ITGB1: variants seen among roughly 807,000 people sequenced by gnomAD.
ITGB1 encodes the protein integrin subunit beta 1.
ITGB1 carries 24 observed loss-of-function variants against 86.5 expected under a neutral mutation model. That is an observed-to-expected ratio of 0.28 (90% confidence interval 0.20 to 0.39). The LOEUF is 0.39. Ranked by LOEUF, ITGB1 falls within the 10% of genes least tolerant of loss-of-function variation. The pLI, the probability that ITGB1 is intolerant of heterozygous loss-of-function variation, is 1.00. For missense variants in ITGB1, 556 were observed against 946.9 expected (o/e 0.59, Z 5.42); for synonymous variants, 323 against 316.8 (o/e 1.02, Z -0.21).
At chr10:32,940,478 T>C (rs1236135171) in intron 1 of ITGB1, among the ~76,000 whole-genome samples, 1 of 152,226 alleles carries the variant, frequency 6.6e-6, no homozygotes, top group Non-Finnish European at 1.5e-5. Flanking sequence ...TCGATTTGTT[T>C]ACACCAGCAT....
chr10:32,933,549 G>T (rs975902521), intron 2 of ITGB1: 1 of 152,130 alleles, frequency 6.6e-6, no homozygotes, highest in Admixed American at 6.6e-5. Context: ...TCTTTTCTGA[G>T]ATTATAAAAC....
chr10:32,945,372 G>A (rs2095028835), intron 1 of ITGB1, among the ~76,000 whole-genome samples: 1 of 152,094 alleles, frequency 6.6e-6, no homozygotes, highest in African/African-American at 2.4e-5. Context: ...GGCCGAGATG[G>A]TGCATCACGA....
intron 1 of ITGB1, among the ~76,000 whole-genome samples, chr10:32,941,194 G>A (rs542227121): frequency 6.6e-6 from 1 of 152,172 alleles, no homozygotes; most frequent in African/African-American, 2.4e-5. Flanking sequence ...ATGAAGTCCC[G>A]AGGCGAATTA....
At chr10:32,939,747 AGT>A (rs2095013589) in intron 1 of ITGB1, among the ~76,000 whole-genome samples, 2 of 151,796 alleles carry the variant, frequency 1.3e-5, no homozygotes, top group Non-Finnish European at 2.9e-5. Flanking sequence ...TGAGTGAGTG[AGT>A]GAGTGAGTGA....
At chr10:32,920,817 C>CAAA (rs5784311) in intron 9 of ITGB1, among the ~76,000 whole-genome samples, 8,589 of 139,468 alleles carry the variant, frequency 0.062, 457 homozygotes, top group South Asian at 0.25. Flanking sequence ...CGCTAAAATA[C>CAAA]AAAAAAAAAA....
At chr10:32,944,987 G>T in intron 1 of ITGB1, 1 of 883,858 alleles carries the variant, frequency 1.1e-6, no homozygotes, top group Non-Finnish European at 1.8e-6. Flanking sequence ...AAGCCAGAAA[G>T]CTGCCATTAC....
chr10:32,923,507 A>C, intron 7 of ITGB1, 78 bp downstream of exon 7: 1 of 1,293,300 alleles, frequency 7.7e-7, no homozygotes. Context: ...ACCCCAAGCC[A>C]GTCACCCACA....
rs569301405 is a variant in ITGB1 at position 32,901,473 on chromosome 10, G to A, written c.*97C>T. The A allele has an allele frequency of 6.1e-5, 48 of 784,942 alleles. No homozygotes were observed. The African/African-American group carries it at 7.7e-4, about 13-fold the overall frequency. 48.6% of individuals were successfully genotyped at this position (784,942 alleles called of 1,614,324 possible). ...TTGTACATTTTCAAAACCTGCACAT[G>A]AGTAAAACCATGGCAATATTGCCCT... is the stretch of plus-strand genomic sequence containing the variant. On this transcript the variant is annotated 3_prime_UTR_variant, in exon 16 of 16. Coordinates refer to ENST00000302278, the MANE Select transcript of ITGB1 (RefSeq NM_002211.4).
rs772037930 is a variant in ITGB1, at chr10:32,911,934, C to T, written c.1660G>A (p.Glu554Lys). The change falls in exon 12 of 16, where the codon GAG (glutamate) becomes AAG (lysine). Residue 554 changes from glutamate (E) to lysine (K), a missense_variant. Transcript: ENST00000302278. ...CTATCACAGTTGAAATTATCACACT[C>T]GCAGAATTTGCCAGAATAAATTTCA... Reference protein sequence around the residue: ...TNEIYSGKFCECDNFNCDRSN... With the variant: ...TNEIYSGKFCKCDNFNCDRSN... The T allele has an allele frequency of 1.9e-6, 3 of 1,613,838 alleles. No individual in the cohort carries two copies. Among genetic ancestry groups the T allele is most frequent in the Admixed American group, 1.7e-5 (1 of 59,998 alleles).
intron 1 of ITGB1, among the ~76,000 whole-genome samples, chr10:32,949,241 CAG>C (rs1307222943): frequency 1.3e-5 from 2 of 151,946 alleles, no homozygotes; most frequent in Non-Finnish European, 2.9e-5. Flanking sequence ...GAAACAAAAC[CAG>C]AGAGACTAAA....
At chr10:32,937,554 CAAAAAAAAAA>C (rs56280552) in intron 1 of ITGB1, among the ~76,000 whole-genome samples, 5 of 91,906 alleles carry the variant, frequency 5.4e-5, no homozygotes, top group African/African-American at 9.5e-5. Flanking sequence ...GACTCCGTCT[CAAAAAAAAAA>C]AAAAAAAAAA....
At chr10:32,933,421 A>G (rs1339766493) in intron 2 of ITGB1, 1 of 152,168 alleles carries the variant, frequency 6.6e-6, no homozygotes, top group Non-Finnish European at 1.5e-5. Flanking sequence ...CATCTAATCC[A>G]TAATCCCAGA....
At chr10:32,919,409 A>T (rs1047999156) in intron 11 of ITGB1, among the ~76,000 whole-genome samples, 2 of 152,230 alleles carry the variant, frequency 1.3e-5, no homozygotes, top group African/African-American at 4.8e-5. Flanking sequence ...GTATTTTACA[A>T]CACATATTTA....
intron 1 of ITGB1, among the ~76,000 whole-genome samples, chr10:32,952,073 C>T (rs558521386): frequency 1.3e-5 from 2 of 152,268 alleles, no homozygotes; most frequent in South Asian, 2.1e-4. Context: ...ATTTTAAATA[C>T]ATGATAAATG....
At position 32,907,151 on chromosome 10, in the gene ITGB1, A is replaced by C. The variant is rs752957677; in HGVS notation, c.2331+1217T>G. 3 of 1,202,178 alleles carry C rather than the reference A, an allele frequency of 2.5e-6. No individual in the cohort carries two copies. In the South Asian group the frequency reaches 3.6e-5, roughly 14 times the overall value. The allele number at this position is 1,202,178 out of a possible 1,614,324, so 74.5% of individuals were successfully genotyped here. Reference sequence around the variant, plus strand: ...GTAAATCGGATTTTCTTGCTAAAGTAAAAGAAATAGTTTCTAATGATTTCA... The same window carrying C: ...GTAAATCGGATTTTCTTGCTAAAGTCAAAGAAATAGTTTCTAATGATTTCA... On this transcript the variant is annotated intron_variant, in intron 15 of 15. Transcript: ENST00000302278.
At chr10:32,935,469 C>T in intron 2 of ITGB1, 23 bp downstream of exon 2, 3 of 1,547,478 alleles carry the variant, frequency 1.9e-6, no homozygotes, top group Non-Finnish European at 2.7e-6. Flanking sequence ...GAAAAGACAA[C>T]TAAGAAAATT....
intron 9 of ITGB1, among the ~76,000 whole-genome samples, chr10:32,921,163 C>CAA (rs5784312): frequency 0.37 from 44,585 of 121,382 alleles, 9,448 homozygotes; most frequent in Non-Finnish European, 0.51. Flanking sequence ...GTAGCCCAGC[C>CAA]AAAAAAAAAA....
At chr10:32,907,303 G>A (rs1371667705) in intron 15 of ITGB1, among the ~76,000 whole-genome samples, 1 of 151,870 alleles carries the variant, frequency 6.6e-6, no homozygotes, top group African/African-American at 2.4e-5. Flanking sequence ...TTGTAGTAAA[G>A]TGCAACTAAC....
At chr10:32,934,016 T>G (rs1015037646) in intron 2 of ITGB1, among the ~76,000 whole-genome samples, 4 of 152,174 alleles carry the variant, frequency 2.6e-5, no homozygotes, top group African/African-American at 7.2e-5. Flanking sequence ...CTGTACTACA[T>G]GCACATACAC....
Sources: gnomAD v4.1 joint callset for allele counts (sites outside exome capture counted in the v4.1 genomes callset) on GRCh38, gnomAD v4.1.1 for gene constraint, MANE v1.5 for transcripts, NCBI Gene and HGNC (gene_info 2026-07-23, HGNC 2026-07-21) for gene names.